FUT9: variants seen among roughly 807,000 people sequenced by gnomAD.
The protein encoded by FUT9 is fucosyltransferase 9.
Under a neutral mutation model 29.7 loss-of-function variants are expected in FUT9, and 15 were observed. The ratio of observed to expected loss-of-function variants is 0.51; its 90% CI spans 0.34 to 0.78. The LOEUF is 0.78. FUT9 is among the 30% of genes least tolerant of loss of function. The probability of loss-of-function intolerance (pLI) is 0.01; values close to 1 mark genes in which losing one functional copy is unlikely to be tolerated. For synonymous variants in FUT9, 169 were observed against 153.7 expected (o/e 1.10, Z -0.74); for missense variants, 319 against 425.4 (o/e 0.75, Z 2.20).
intron 2 of FUT9, among the ~76,000 whole-genome samples, chr6:96,152,795 T>C (rs1390700406): frequency 1.3e-5 from 2 of 152,332 alleles, no homozygotes; most frequent in East Asian, 3.9e-4. Context: ...ATTCAGTTGA[T>C]AAAGTTGTAA....
At chr6:96,112,613 C>T (rs1291737738) in intron 1 of FUT9, among the ~76,000 whole-genome samples, 1 of 152,060 alleles carries the variant, frequency 6.6e-6, no homozygotes, top group Non-Finnish European at 1.5e-5. Flanking sequence ...AAAAAAAATG[C>T]AAGTGTTTGA....
At chr6:96,188,710 GAT>G (rs57955007) in intron 2 of FUT9, among the ~76,000 whole-genome samples, 2 of 146,350 alleles carry the variant, frequency 1.4e-5, no homozygotes, top group East Asian at 2.0e-4. Context: ...TATATTATTT[GAT>G]ATATATATAT....
At chr6:96,042,152 G>T (rs2008783) in intron 1 of FUT9, among the ~76,000 whole-genome samples, 3 of 152,026 alleles carry the variant, frequency 2.0e-5, no homozygotes, top group African/African-American at 7.2e-5. Context: ...GCCAAGCTGT[G>T]CCTGCAGTCA....
At chr6:96,128,849 G>T (rs191170222) in intron 2 of FUT9, among the ~76,000 whole-genome samples, 1 of 151,964 alleles carries the variant, frequency 6.6e-6, no homozygotes, top group Non-Finnish European at 1.5e-5. Context: ...AAAGGGCCAG[G>T]CACAGTGGCT....
intron 2 of FUT9, among the ~76,000 whole-genome samples, chr6:96,130,766 G>C (rs1182111135): frequency 1.3e-5 from 2 of 152,160 alleles, no homozygotes; most frequent in Non-Finnish European, 2.9e-5. Flanking sequence ...AATAGAAAAA[G>C]TGATCATTAT....
Position 96,203,649 on chromosome 6 carries a change from A to G in FUT9, c.494A>G (p.Gln165Arg). 1.9e-6 allele frequency: 3 copies of G among 1,614,040 alleles called. No individual in the cohort carries two copies. The highest frequency in any genetic ancestry group is 2.5e-6 in the Non-Finnish European group (3 of 1,180,000). ...TLTYRRDSDI[Q>R]VPYGFLTVST... The stretch of plus-strand genomic sequence containing the variant: ...ACTTACCGCCGTGATTCAGATATCC[A>G]AGTGCCTTATGGCTTCTTGACGGTA... The change falls in exon 3 of 3, where the codon CAA (glutamine) becomes CGA (arginine). Residue 165 changes from glutamine to arginine, a missense_variant. Coordinates refer to ENST00000302103, the MANE Select transcript of FUT9 (RefSeq NM_006581.4).
chr6:96,163,653 A>G (rs956541090), intron 2 of FUT9, among the ~76,000 whole-genome samples: 3 of 151,724 alleles, frequency 2.0e-5, no homozygotes, highest in Non-Finnish European at 4.4e-5. Context: ...GTCTCACTCA[A>G]TCTGCTGTGA....
intron 2 of FUT9, among the ~76,000 whole-genome samples, chr6:96,145,743 C>A (rs537318150): frequency 8.3e-4 from 127 of 152,222 alleles, no homozygotes; most frequent in African/African-American, 2.7e-3. Context: ...CTTGTTGGGG[C>A]AACAGCAAGA....
chr6:96,189,766 T>G (rs1773471850), intron 2 of FUT9, among the ~76,000 whole-genome samples: 2 of 152,194 alleles, frequency 1.3e-5, no homozygotes, highest in South Asian at 4.1e-4. Context: ...TTGGTAGATC[T>G]TCCTTCATCC....
chr6:96,117,887 T>A (rs1343435032), intron 2 of FUT9, among the ~76,000 whole-genome samples: 1 of 152,176 alleles, frequency 6.6e-6, no homozygotes, highest in Non-Finnish European at 1.5e-5. Flanking sequence ...TTACCTGAAA[T>A]GTCTGTTTCC....
intron 2 of FUT9, among the ~76,000 whole-genome samples, chr6:96,140,227 C>T (rs564046686): frequency 3.9e-5 from 6 of 152,280 alleles, no homozygotes; most frequent in South Asian, 2.1e-4. Flanking sequence ...ATGACACCAC[C>T]GCAGCCTGGA....
rs1771868013 is a variant in FUT9 at position 96,114,125 on chromosome 6, A to G, written c.-11A>G. ...GTGCTTCCCATGATATGTTCTCTAT[A>G]TTGTAAGTATATATTTACTTTCTCA... is the stretch of plus-strand genomic sequence containing the variant. On this transcript the variant is annotated splice_region_variant and 5_prime_UTR_variant, in exon 2 of 3. It adds an upstream start codon to the 5' untranslated region. Transcript: ENST00000302103. The G allele has an allele frequency of 6.6e-6, 1 of 152,144 alleles. No individual in the cohort carries two copies. Among genetic ancestry groups the G allele is most frequent in the African/African-American group, 2.4e-5 (1 of 41,434 alleles). 9.4% of individuals were successfully genotyped at this position (152,144 alleles called of 1,614,324 possible). A position where few individuals can be genotyped will look rare whatever the true frequency, so the allele number is the denominator to read the frequency against.
At chr6:96,101,399 A>T (rs1771582927) in intron 1 of FUT9, among the ~76,000 whole-genome samples, 1 of 151,692 alleles carries the variant, frequency 6.6e-6, no homozygotes, top group Admixed American at 6.6e-5. Flanking sequence ...ACTTAGCCAG[A>T]TGTGTTGTGG....
chr6:96,055,852 A>T (rs1178220269), intron 1 of FUT9, among the ~76,000 whole-genome samples: 1 of 151,846 alleles, frequency 6.6e-6, no homozygotes, highest in Non-Finnish European at 1.5e-5. Context: ...GCCGGACTCT[A>T]GACATTTGAA....
intron 2 of FUT9, among the ~76,000 whole-genome samples, chr6:96,159,294 A>G (rs369565561): frequency 6.6e-6 from 1 of 152,142 alleles, no homozygotes; most frequent in African/African-American, 2.4e-5. Flanking sequence ...TGTTGATCCC[A>G]TCAACAACAG....
chr6:96,166,745 T>C (rs1773022180), intron 2 of FUT9, among the ~76,000 whole-genome samples: 1 of 152,172 alleles, frequency 6.6e-6, no homozygotes, highest in Non-Finnish European at 1.5e-5. Context: ...TAAAAATCTA[T>C]GCATGCTCAA....
intron 2 of FUT9, among the ~76,000 whole-genome samples, chr6:96,136,974 A>G (rs2127971503): frequency 6.6e-6 from 1 of 152,140 alleles, no homozygotes; most frequent in East Asian, 1.9e-4. Flanking sequence ...ATAGGATACG[A>G]GAAAATGGAA....
intron 2 of FUT9, among the ~76,000 whole-genome samples, chr6:96,137,639 G>A (rs923708458): frequency 6.6e-6 from 1 of 151,934 alleles, no homozygotes; most frequent in Admixed American, 6.6e-5. Flanking sequence ...GATATGATGT[G>A]ATGAGAATGA....
At chr6:96,098,531 A>G (rs1192402932) in intron 1 of FUT9, among the ~76,000 whole-genome samples, 1 of 152,092 alleles carries the variant, frequency 6.6e-6, no homozygotes, top group African/African-American at 2.4e-5. Context: ...ATTAAATTCC[A>G]TTGTCAGTTT....
Sources: gnomAD v4.1 joint callset for allele counts (sites outside exome capture counted in the v4.1 genomes callset) on GRCh38, gnomAD v4.1.1 for gene constraint, MANE v1.5 for transcripts, NCBI Gene and HGNC (gene_info 2026-07-23, HGNC 2026-07-21) for gene names.